PNKD: variants seen among roughly 807,000 people sequenced by gnomAD.
The protein encoded by PNKD is PNKD metallo-beta-lactamase domain containing, also known as probable thioesterase PNKD.
Under a neutral mutation model 45.3 loss-of-function variants are expected in PNKD, and 36 were observed. The ratio of observed to expected loss-of-function variants is 0.80; its 90% CI spans 0.61 to 1.05. The LOEUF (loss-of-function observed/expected upper bound fraction) is 1.05, where lower values mean the gene tolerates loss of function less well. Among genes scored for constraint, PNKD ranks in the 50% least tolerant of loss-of-function variants. The pLI, the probability that PNKD is intolerant of heterozygous loss-of-function variation, is 0.00. For synonymous variants in PNKD, 197 were observed against 210.1 expected, an observed-to-expected ratio of 0.94 and a Z score of 0.54; for missense variants, 511 against 506.6, an observed-to-expected ratio of 1.01 and a Z score of -0.08.
intron 2 of PNKD, chr2:218,323,224 A>G (rs1402042302): frequency 4.9e-6 from 7 of 1,439,422 alleles, no homozygotes; most frequent in Non-Finnish European, 6.4e-6. Flanking sequence ...GCCGTTGCCT[A>G]GCAACGCCGA....
At chr2:218,332,325 G>A (rs1204830158) in intron 2 of PNKD, among the ~76,000 whole-genome samples, 1 of 152,134 alleles carries the variant, frequency 6.6e-6, no homozygotes, top group Non-Finnish European at 1.5e-5. Context: ...ATATGCCAGG[G>A]AGAGGGCTAA....
At chr2:218,299,390 C>T (rs1693218120) in intron 2 of PNKD, among the ~76,000 whole-genome samples, 1 of 152,200 alleles carries the variant, frequency 6.6e-6, no homozygotes, top group African/African-American at 2.4e-5. Flanking sequence ...GATCCACCTG[C>T]CTCAGCCTCC....
chr2:218,331,618 C>T (rs1694322309), intron 2 of PNKD, among the ~76,000 whole-genome samples: 1 of 152,064 alleles, frequency 6.6e-6, no homozygotes, highest in Non-Finnish European at 1.5e-5. Flanking sequence ...CAGGCTTGCA[C>T]CATCATGCCC....
rs754958157 is a variant in PNKD, at chr2:218,340,103, G to T, written c.427G>T (p.Ala143Ser). 7 of 1,613,736 alleles carry T rather than the reference G, an allele frequency of 4.3e-6. No individual in the cohort carries two copies. The highest frequency in any genetic ancestry group is 5.9e-6 in the Non-Finnish European group (7 of 1,179,826). ...CATCATCGACACCCAGGCCCAGCTG[G>T]CTGTGGCTGTGGACCCTTCAGACCC... ...YLIIDTQAQL[A>S]VAVDPSDPRA... Residue 143 changes from alanine to serine, a missense_variant, in exon 4 of 10, where the codon GCT becomes TCT. Ala to Ser is a moderately conservative substitution (Grantham distance 99, BLOSUM62 1). Coordinates refer to ENST00000273077, the MANE Select transcript of PNKD (RefSeq NM_015488.5). The surrounding 1 kb of genome is among the most constrained non-coding windows in gnomAD (Gnocchi z 4.2).
chr2:218,289,625 GAA>G (rs10675061), intron 2 of PNKD, among the ~76,000 whole-genome samples: 1 of 87,788 alleles, frequency 1.1e-5, no homozygotes, highest in African/African-American at 4.5e-5. Flanking sequence ...CTGGGCGACA[GAA>G]AAAAAAAAAA....
At chr2:218,298,767 G>A (rs1478025812) in intron 2 of PNKD, among the ~76,000 whole-genome samples, 5 of 152,028 alleles carry the variant, frequency 3.3e-5, no homozygotes, top group African/African-American at 4.8e-5. Context: ...AGAATACCGG[G>A]GGATTCTCAG....
chr2:218,298,727 C>T (rs533558574), intron 2 of PNKD, among the ~76,000 whole-genome samples: 3 of 152,274 alleles, frequency 2.0e-5, no homozygotes, highest in East Asian at 1.9e-4. Flanking sequence ...CCTGCCCTCT[C>T]GCCATGGACC....
intron 2 of PNKD, among the ~76,000 whole-genome samples, chr2:218,294,461 C>A (rs1300273407): frequency 6.6e-6 from 1 of 152,130 alleles, no homozygotes; most frequent in Non-Finnish European, 1.5e-5. Flanking sequence ...CTCATATGGC[C>A]AAGGAAGGAA....
intron 2 of PNKD, chr2:218,275,977 C>T (rs1292059680): frequency 1.9e-6 from 3 of 1,582,938 alleles, no homozygotes; most frequent in African/African-American, 1.3e-5. Context: ...CCCTAGATTC[C>T]TCCCCTCATC....
At chr2:218,279,391 AC>A in intron 2 of PNKD, 1 of 1,511,758 alleles carries the variant, frequency 6.6e-7, no homozygotes, top group Non-Finnish European at 8.9e-7. Flanking sequence ...ACCATCCGGC[AC>A]CCCTGGCCTG....
At chr2:218,317,592 G>A (rs1693850201) in intron 2 of PNKD, among the ~76,000 whole-genome samples, 1 of 152,220 alleles carries the variant, frequency 6.6e-6, no homozygotes, top group Admixed American at 6.5e-5. Context: ...GGAGACTAAA[G>A]GCTTCCACTG....
intron 2 of PNKD, among the ~76,000 whole-genome samples, chr2:218,311,370 C>T (rs185101219): frequency 2.1e-4 from 32 of 152,302 alleles, no homozygotes; most frequent in Admixed American, 1.2e-3. Flanking sequence ...AAGGGACCGG[C>T]GCTCAGCATA....
rs759716706 is a variant in PNKD, at chr2:218,323,272, C to T, written c.237-16511C>T. On this transcript the variant is annotated intron_variant, in intron 2 of 9. Coordinates refer to ENST00000273077, the MANE Select transcript of PNKD (RefSeq NM_015488.5). ...CGGCGCGTGCCTGCCCCCAGCATGG[C>T]TTGGCAGGGCTGGCCCGCGGCGTGG... is the stretch of plus-strand genomic sequence containing the variant. 3.9e-6 allele frequency: 6 copies of T among 1,532,546 alleles called. No homozygotes were observed. The African/African-American group carries it at 4.3e-5, about 11-fold the overall frequency. The allele number at this position is 1,532,546 out of a possible 1,614,324, so 94.9% of individuals were successfully genotyped here.
chr2:218,280,169 T>C (rs1017709061), intron 2 of PNKD: 12 of 1,425,040 alleles, frequency 8.4e-6, no homozygotes, highest in African/African-American at 1.4e-5. Context: ...ACCTGAGACA[T>C]GTGGCGTCAA....
At chr2:218,297,013 T>G (rs993440650) in intron 2 of PNKD, among the ~76,000 whole-genome samples, 2 of 152,210 alleles carry the variant, frequency 1.3e-5, no homozygotes, top group African/African-American at 4.8e-5. Flanking sequence ...TTTACTGAAT[T>G]GAGGCATTGA....
At chr2:218,278,273 A>G (rs1485141963) in intron 2 of PNKD, 6 of 607,698 alleles carry the variant, frequency 9.9e-6, no homozygotes, top group Non-Finnish European at 1.7e-5. Flanking sequence ...GGTTCTTCCT[A>G]TTTGTTAACT....
intron 2 of PNKD, among the ~76,000 whole-genome samples, chr2:218,309,572 A>G (rs191121948): frequency 1.3e-5 from 2 of 152,142 alleles, no homozygotes; most frequent in East Asian, 3.9e-4. Context: ...CCCAGCCTCC[A>G]GTTTATGGGA....
intron 2 of PNKD, among the ~76,000 whole-genome samples, chr2:218,272,393 G>A (rs1690877074): frequency 6.6e-6 from 1 of 152,256 alleles, no homozygotes; most frequent in South Asian, 2.1e-4. Flanking sequence ...GTTTTAAGCA[G>A]GGAAGTGACA....
intron 2 of PNKD, among the ~76,000 whole-genome samples, chr2:218,329,418 G>T (rs1378415951): frequency 6.6e-6 from 1 of 152,234 alleles, no homozygotes; most frequent in African/African-American, 2.4e-5. Context: ...CCCTTGGCGG[G>T]CAGGTGGCCT....
Sources: gnomAD v4.1 joint callset for allele counts (sites outside exome capture counted in the v4.1 genomes callset) on GRCh38, gnomAD v4.1.1 for gene constraint, Gnocchi (gnomAD v3.1) non-coding constraint, MANE v1.5 for transcripts, NCBI Gene and HGNC (gene_info 2026-07-23, HGNC 2026-07-21) for gene names.